Variants in C1GALT1 observed in about 807,000 individuals in gnomAD.
The protein encoded by C1GALT1 is glycoprotein-N-acetylgalactosamine 3-beta-galactosyltransferase 1.
Under a neutral mutation model 31.0 loss-of-function variants are expected in C1GALT1, and 11 were observed. The ratio of observed to expected loss-of-function variants is 0.36; its 90% CI spans 0.22 to 0.59. The LOEUF (loss-of-function observed/expected upper bound fraction) is 0.59. Among genes scored for constraint, C1GALT1 ranks in the 20% least tolerant of loss-of-function variants. The pLI, the probability that C1GALT1 is intolerant of heterozygous loss-of-function variation, is 0.79. For synonymous variants in C1GALT1, 175 were observed against 143.6 expected, an observed-to-expected ratio of 1.22 and a Z score of -1.56; for missense variants, 424 against 425.2, an observed-to-expected ratio of 1.00 and a Z score of 0.03.
At chr7:7,242,158 G>C (rs1307124086) in intron 3 of C1GALT1, among the ~76,000 whole-genome samples, 2 of 150,202 alleles carry the variant, frequency 1.3e-5, no homozygotes, top group East Asian at 3.9e-4. Flanking sequence ...CAAAACTATT[G>C]CATGTTAAAA....
In C1GALT1 at chr7:7,245,838, C is replaced by A. The variant is rs930068344; in HGVS notation, c.*2111C>A. 8 of 152,126 alleles carry A rather than the reference C, an allele frequency of 5.3e-5. No homozygotes were observed. The highest frequency in any genetic ancestry group is 3.3e-4 in the Admixed American group (5 of 15,274). The allele number at this position is 152,126 out of a possible 1,614,324, so 9.4% of individuals were successfully genotyped here. A position where few individuals can be genotyped will look rare whatever the true frequency, so the allele number is the denominator to read the frequency against. ...AGACTTGCTTGGGTTTAAATTCTTG[C>A]TCTAACACTTACTGTTTTTGTAACC... On this transcript the variant is annotated 3_prime_UTR_variant, in exon 4 of 4. Transcript: ENST00000436587.
intron 1 of C1GALT1, among the ~76,000 whole-genome samples, chr7:7,226,026 C>G (rs1782743881): frequency 6.6e-6 from 1 of 152,044 alleles, no homozygotes; most frequent in Non-Finnish European, 1.5e-5. Context: ...TTTAATTAAC[C>G]TGTCTCATAC....
Position 7,183,782 on chromosome 7 carries a change from A to G in C1GALT1, c.-18+962A>G, listed in dbSNP as rs143952174. Among the ~76,000 whole-genome samples, 874 of 152,096 alleles carry G rather than the reference A, an allele frequency of 5.7e-3. 8 individuals are homozygous for G. Among genetic ancestry groups the G allele is most frequent in the African/African-American group, 0.02 (814 of 41,460 alleles). On this transcript the variant is annotated intron_variant, in intron 1 of 3. Transcript: ENST00000436587. ...ACCTAGTTCTCTATATCCATTGTAC[A>G]TACTACTGTATTTCCTTTTAACGCT...
At chr7:7,223,222 G>A (rs1441848078) in intron 1 of C1GALT1, among the ~76,000 whole-genome samples, 1 of 152,054 alleles carries the variant, frequency 6.6e-6, no homozygotes, top group East Asian at 1.9e-4. Flanking sequence ...ACAGTGGCGC[G>A]ATCTTGGCTC....
At chr7:7,194,485 G>C (rs535137946) in intron 1 of C1GALT1, among the ~76,000 whole-genome samples, 1 of 152,012 alleles carries the variant, frequency 6.6e-6, no homozygotes, top group African/African-American at 2.4e-5. Flanking sequence ...TATTGACTTG[G>C]GTATGTTAAA....
At chr7:7,179,111 T>C (rs74974108), upstream of C1GALT1, among the ~76,000 whole-genome samples, 4,167 of 152,302 alleles carry the variant, frequency 0.027, 174 homozygotes, top group African/African-American at 0.094. Flanking sequence ...TTACTCACCA[T>C]GTGAGCCTCC....
At chr7:7,189,991 G>A (rs1052230543) in intron 1 of C1GALT1, among the ~76,000 whole-genome samples, 1 of 151,672 alleles carries the variant, frequency 6.6e-6, no homozygotes, top group African/African-American at 2.4e-5. Flanking sequence ...ATGAATTTTT[G>A]TTTTCCATAG....
At chr7:7,233,465 T>C (rs906999710) in intron 1 of C1GALT1, among the ~76,000 whole-genome samples, 1 of 152,150 alleles carries the variant, frequency 6.6e-6, no homozygotes, top group East Asian at 1.9e-4. Flanking sequence ...CCCAGCTAAT[T>C]TTTTACCATG....
chr7:7,196,929 T>A (rs7811886), intron 1 of C1GALT1, among the ~76,000 whole-genome samples: 31,921 of 149,930 alleles, frequency 0.21, 4,215 homozygotes, highest in East Asian at 0.37. Flanking sequence ...TTTTCTTGTA[T>A]ATTTGGATAT....
At chr7:7,221,124 A>T (rs1478073293) in intron 1 of C1GALT1, among the ~76,000 whole-genome samples, 1 of 152,180 alleles carries the variant, frequency 6.6e-6, no homozygotes, top group Non-Finnish European at 1.5e-5. Flanking sequence ...TCTTTGAAAT[A>T]TTGAGTTAAT....
chr7:7,216,562 A>G (rs778877712), intron 1 of C1GALT1, among the ~76,000 whole-genome samples: 1 of 152,174 alleles, frequency 6.6e-6, no homozygotes, highest in Non-Finnish European at 1.5e-5. Flanking sequence ...AACGGAGGCA[A>G]TGTGCTATAG....
At chr7:7,216,307 C>T (rs1782234999) in intron 1 of C1GALT1, among the ~76,000 whole-genome samples, 1 of 152,184 alleles carries the variant, frequency 6.6e-6, no homozygotes, top group Admixed American at 6.5e-5. Context: ...CTTACCTTCC[C>T]AGTTTCTGGA....
rs575074182 is a variant in C1GALT1, at chr7:7,246,656, A to C, written c.*2929A>C. 1 of 152,574 alleles carries C rather than the reference A, an allele frequency of 6.6e-6. No individual in the cohort carries two copies. Among genetic ancestry groups the C allele is most frequent in the African/African-American group, 2.4e-5 (1 of 41,416 alleles). 9.5% of individuals were successfully genotyped at this position (152,574 alleles called of 1,614,324 possible). ...CCTCATCTCAGATCAGATCTACTAA[A>C]TCAGATACTCTAGGGGCAGGGGCAG... On this transcript the variant is annotated 3_prime_UTR_variant, in exon 4 of 4. Transcript: ENST00000436587.
Position 7,159,647 on chromosome 7 carries a change from C to T in C1GALT1, c.-18+2221C>T, listed in dbSNP as rs1024938652. Among the ~76,000 whole-genome samples, 12 of 152,174 alleles carry T rather than the reference C, an allele frequency of 7.9e-5. No individual in the cohort carries two copies. The East Asian group carries it at 9.6e-4, about 12-fold the overall frequency. On this transcript the variant is annotated intron_variant, in intron 2 of 3. Transcript: ENST00000429911. ...ATGAAGGTGTATGAATTCTAATTTT[C>T]GCTTAATTTGATAGTAATGCCTTTG...
At chr7:7,228,523 G>C (rs1371564315) in intron 1 of C1GALT1, among the ~76,000 whole-genome samples, 1 of 152,028 alleles carries the variant, frequency 6.6e-6, no homozygotes, top group Non-Finnish European at 1.5e-5. Flanking sequence ...CAACACTCTT[G>C]TGGACATGAT....
chr7:7,247,646 A>G lies in C1GALT1; in HGVS notation c.*3919A>G, dbSNP rs1783898371. ...TGAAAGAATCCCTTGATTAAATTACATCTAGCATTTTATTTGCCATTTCAA... is the reference window on the plus strand; with the variant it reads ...TGAAAGAATCCCTTGATTAAATTACGTCTAGCATTTTATTTGCCATTTCAA... On this transcript the variant is annotated 3_prime_UTR_variant, in exon 4 of 4. Coordinates refer to ENST00000436587, the MANE Select transcript of C1GALT1 (RefSeq NM_020156.5). 6.6e-6 allele frequency: 1 copy of G among 152,136 alleles called. No homozygotes were observed. The highest frequency in any genetic ancestry group is 6.5e-5 in the Admixed American group (1 of 15,278). 9.4% of individuals were successfully genotyped at this position (152,136 alleles called of 1,614,324 possible). A position where few individuals can be genotyped will look rare whatever the true frequency, so the allele number is the denominator to read the frequency against.
At chr7:7,194,498 A>G (rs747234545) in intron 1 of C1GALT1, among the ~76,000 whole-genome samples, 5 of 152,078 alleles carry the variant, frequency 3.3e-5, no homozygotes, top group Non-Finnish European at 7.4e-5. Flanking sequence ...ATGTTAAACC[A>G]TCCCTGCACG....
At chr7:7,186,885 A>G (rs1310100616) in intron 1 of C1GALT1, among the ~76,000 whole-genome samples, 2 of 152,214 alleles carry the variant, frequency 1.3e-5, no homozygotes, top group African/African-American at 4.8e-5. Context: ...AGTAGGATGC[A>G]GATTGTGGGT....
chr7:7,205,638 T>C (rs1403656034), intron 1 of C1GALT1, among the ~76,000 whole-genome samples: 1 of 152,216 alleles, frequency 6.6e-6, no homozygotes, highest in Non-Finnish European at 1.5e-5. Flanking sequence ...TTTTGCTGTA[T>C]TGAATCTTTT....
Sources: allele counts gnomAD v4.1 joint callset (sites outside exome capture counted in the v4.1 genomes callset), GRCh38; gene constraint gnomAD v4.1.1; transcripts MANE v1.5; gene names NCBI Gene and HGNC (gene_info 2026-07-23, HGNC 2026-07-21).